MON2: variants seen among roughly 807,000 people sequenced by gnomAD.
MON2 encodes the protein MON2 regulator of endosome-to-Golgi trafficking.
A neutral mutation model predicts 208.6 loss-of-function variants in MON2; 84 were observed. That is an observed-to-expected ratio of 0.40 (90% CI 0.34 to 0.48). MON2 has a LOEUF of 0.48. Ranked by LOEUF, MON2 falls within the 20% of genes least tolerant of loss-of-function variation. The probability of loss-of-function intolerance (pLI) is 0.59; values close to 1 mark genes in which losing one functional copy is unlikely to be tolerated. For missense variants in MON2, 1,611 were observed against 2,015.4 expected, an observed-to-expected ratio of 0.80 and a Z score of 3.84; for synonymous variants, 660 against 694.0, an observed-to-expected ratio of 0.95 and a Z score of 0.77.
chr12:62,537,086 T>C (rs1350843575), intron 14 of MON2, 65 bp from the exon 15 acceptor site: 2 of 954,324 alleles, frequency 2.1e-6, no homozygotes, highest in South Asian at 2.1e-5. Flanking sequence ...ACTTTAAATA[T>C]AACATTACTT....
intron 12 of MON2, 26 bp downstream of exon 12, chr12:62,532,696 A>G: frequency 6.5e-7 from 1 of 1,546,100 alleles, no homozygotes; most frequent in Non-Finnish European, 8.9e-7. Flanking sequence ...TTTAATTTTT[A>G]TTGGAAATAA....
chr12:62,520,672 C>A (rs576122588), intron 8 of MON2, among the ~76,000 whole-genome samples: 1 of 151,810 alleles, frequency 6.6e-6, no homozygotes, highest in Admixed American at 6.6e-5. Context: ...CAGTGGCTCA[C>A]GCCTGTAATC....
chr12:62,530,056 C>G (rs890877441), intron 11 of MON2, among the ~76,000 whole-genome samples: 1 of 151,814 alleles, frequency 6.6e-6, no homozygotes, highest in Admixed American at 6.6e-5. Context: ...GTGTAGTTAC[C>G]CGACTGAACT....
In MON2 at chr12:62,499,052, A is replaced by G. The variant is rs1246065838; in HGVS notation, c.565+4A>G. ...GCTGAAGATGAACGACACAGAGGTA[A>G]AGTGCTAGAAGTTGTTTTACTTTGT... On this transcript the variant is annotated splice_donor_region_variant and intron_variant, in intron 5 of 34. Transcript: ENST00000393630. 6.2e-7 allele frequency: 1 copy of G among 1,606,928 alleles called. No homozygotes were observed. The highest frequency in any genetic ancestry group is 2.2e-5 in the East Asian group (1 of 44,584).
intron 2 of MON2, among the ~76,000 whole-genome samples, chr12:62,486,565 A>G (rs2069808718): frequency 6.6e-6 from 1 of 152,148 alleles, no homozygotes; most frequent in Non-Finnish European, 1.5e-5. Context: ...ATTTAAAGCA[A>G]TTATACCTAA....
In MON2 at chr12:62,597,898, A is replaced by T. The variant is rs188345316; in HGVS notation, c.*5149A>T. 6 of 152,030 alleles carry T rather than the reference A, an allele frequency of 3.9e-5. No individual in the cohort carries two copies. In the East Asian group the frequency reaches 1.2e-3, roughly 30 times the overall value. The allele number at this position is 152,030 out of a possible 1,614,324, so 9.4% of individuals were successfully genotyped here. A position where few individuals can be genotyped will look rare whatever the true frequency, so the allele number is the denominator to read the frequency against. On this transcript the variant is annotated 3_prime_UTR_variant, in exon 35 of 35. Transcript: ENST00000393630. ...CAAGATCCTATCTCTAGTTCAAAAAAATATTTTTAATTAGGGTTTTGGTTT... is the reference window on the plus strand; with the variant it reads ...CAAGATCCTATCTCTAGTTCAAAAATATATTTTTAATTAGGGTTTTGGTTT...
chr12:62,584,057 AATGGAAAGGACTTTTAAC>A (rs1807105277), intron 32 of MON2, among the ~76,000 whole-genome samples: 1 of 152,056 alleles, frequency 6.6e-6, no homozygotes, highest in East Asian at 1.9e-4. Flanking sequence ...TAGAGTTGTA[AATGGAAAGGACTTTTAAC>A]ATGGAAGCTC....
In MON2 at chr12:62,597,997, C is replaced by G. The variant is rs1181601624; in HGVS notation, c.*5248C>G. The G allele has an allele frequency of 6.6e-6, 1 of 152,152 alleles. No individual in the cohort carries two copies. The highest frequency in any genetic ancestry group is 2.4e-5 in the African/African-American group (1 of 41,420). 9.4% of individuals were successfully genotyped at this position (152,152 alleles called of 1,614,324 possible). ...GTTTAAACTTTTAGATTTATCCCATCTTAATATTGATTTATATTGACACTG... is the reference window on the plus strand; with the variant it reads ...GTTTAAACTTTTAGATTTATCCCATGTTAATATTGATTTATATTGACACTG... On this transcript the variant is annotated 3_prime_UTR_variant, in exon 35 of 35. Coordinates refer to ENST00000393630, the MANE Select transcript of MON2 (RefSeq NM_015026.3).
chr12:62,589,255 A>G lies in MON2; in HGVS notation c.4990+1099A>G, dbSNP rs148062374. 2.6e-3 allele frequency among the ~76,000 whole-genome samples: 396 copies of G among 152,288 alleles called. 4 individuals are homozygous for G. Among genetic ancestry groups the G allele is most frequent in the African/African-American group, 9.0e-3 (372 of 41,552 alleles). On this transcript the variant is annotated intron_variant, in intron 34 of 34. Transcript: ENST00000393630. ...TTTTTTATACAAGAAGACATTGGTAAAGAAGAAAACTGTGTGTTGGTTTAC... is the reference window on the plus strand; with the variant it reads ...TTTTTTATACAAGAAGACATTGGTAGAGAAGAAAACTGTGTGTTGGTTTAC...
At position 62,566,527 on chromosome 12, in the gene MON2, C is replaced by G. The variant is rs964242553; in HGVS notation, c.4323+77C>G. 8.7e-6 allele frequency: 11 copies of G among 1,257,200 alleles called. No homozygotes were observed. The South Asian group carries it at 1.5e-4, about 17-fold the overall frequency. 77.9% of individuals were successfully genotyped at this position (1,257,200 alleles called of 1,614,324 possible). A position where few individuals can be genotyped will look rare whatever the true frequency, so the allele number is the denominator to read the frequency against. ...AATTATTCCTTAGGTAATACATTAT[C>G]ATTATATTGGGATAAATAGAAAATA... On this transcript the variant is annotated intron_variant, in intron 29 of 34. Transcript: ENST00000393630.
Position 62,576,728 on chromosome 12 carries a change from T to C in MON2, c.4515-1717T>C, listed in dbSNP as rs190020150. On this transcript the variant is annotated intron_variant, in intron 30 of 34. Transcript: ENST00000393630. ...TCAGCATTTTTAAAAGCTCAATCGA[T>C]GTTTTTGATATGTTTGCTAGTTATA... 7.2e-3 allele frequency among the ~76,000 whole-genome samples: 1,097 copies of C among 151,978 alleles called. 16 individuals are homozygous for C. The highest frequency in any genetic ancestry group is 0.024 in the African/African-American group (1,014 of 41,548).
Position 62,561,107 on chromosome 12 carries a change from C to A in MON2, c.4026C>A (p.Leu1342=). 2 of 1,591,400 alleles carry A rather than the reference C, an allele frequency of 1.3e-6. No homozygotes were observed. Among genetic ancestry groups the A allele is most frequent in the South Asian group, 2.3e-5 (2 of 86,836 alleles). ...QEAVLTALDV[L]QKAICVGPEN... ...CTGTACTTACAGCTTTAGATGTTCT[C>A]CAAAAGGTAATATAATTTTAGTGGC... is the stretch of plus-strand genomic sequence containing the variant. The change falls in exon 26 of 35, where the codon CTC becomes CTA. Residue 1342 remains leucine, a synonymous_variant. Transcript: ENST00000393630.
chr12:62,599,483 A>G lies in MON2; in HGVS notation c.*6734A>G, dbSNP rs2075588035. 6.6e-6 allele frequency: 1 copy of G among 152,236 alleles called. No homozygotes were observed. 9.4% of individuals were successfully genotyped at this position (152,236 alleles called of 1,614,324 possible). ...GTTACTCAGTGTGTACTGCAGTCAG[A>G]TATAGTTAAAATAATTTTTCTGATG... On this transcript the variant is annotated 3_prime_UTR_variant, in exon 35 of 35. Coordinates refer to ENST00000393630, the MANE Select transcript of MON2 (RefSeq NM_015026.3).
intron 2 of MON2, among the ~76,000 whole-genome samples, chr12:62,492,671 G>A (rs1382717895): frequency 7.1e-6 from 1 of 139,942 alleles, no homozygotes; most frequent in Non-Finnish European, 1.6e-5. Context: ...GCGCCCGGCC[G>A]TTAGTTCTTA....
chr12:62,512,031 A>G (rs747805722), intron 8 of MON2, among the ~76,000 whole-genome samples: 11 of 152,184 alleles, frequency 7.2e-5, no homozygotes, highest in African/African-American at 1.4e-4. Context: ...GAGACTTACT[A>G]TCATGAGAAC....
intron 2 of MON2, among the ~76,000 whole-genome samples, chr12:62,484,583 GA>G (rs1439150816): frequency 2.6e-5 from 4 of 152,162 alleles, no homozygotes; most frequent in African/African-American, 9.7e-5. Flanking sequence ...TGTATTGAAT[GA>G]AAGATTTGTT....
At chr12:62,473,192 C>T (rs2135951748) in intron 1 of MON2, among the ~76,000 whole-genome samples, 2 of 152,264 alleles carry the variant, frequency 1.3e-5, no homozygotes, top group East Asian at 3.9e-4. Context: ...TGTTGCCTTC[C>T]CACTAGGCTT....
intron 4 of MON2, among the ~76,000 whole-genome samples, chr12:62,497,495 T>A (rs1008218284): frequency 3.9e-5 from 6 of 152,184 alleles, no homozygotes; most frequent in African/African-American, 1.4e-4. Flanking sequence ...ATTAGAATAG[T>A]TACGATGAAA....
In MON2 at chr12:62,553,125, C is replaced by T. The variant is rs150125859; in HGVS notation, c.3161C>T (p.Ala1054Val). ...AGQTLFSTIG[A>V]HGTLLQHSTW... Reference sequence around the variant, plus strand: ...CAAACTCTGTTTTCTACAATTGGTGCGCATGGAACTTTATTACAGCATTCA... The same window carrying T: ...CAAACTCTGTTTTCTACAATTGGTGTGCATGGAACTTTATTACAGCATTCA... The change falls in exon 24 of 35, where the codon GCG becomes GTG. Residue 1054 changes from alanine to valine, a missense_variant. Ala to Val is a moderately conservative substitution (Grantham distance 64). Coordinates refer to ENST00000393630, the MANE Select transcript of MON2 (RefSeq NM_015026.3). The T allele has an allele frequency of 1.1e-5, 18 of 1,613,958 alleles. No individual in the cohort carries two copies. Among genetic ancestry groups the T allele is most frequent in the South Asian group, 2.2e-5 (2 of 91,090 alleles).
Sources: allele counts gnomAD v4.1 joint callset (sites outside exome capture counted in the v4.1 genomes callset), GRCh38; gene constraint gnomAD v4.1.1; transcripts MANE v1.5; gene names NCBI Gene and HGNC (gene_info 2026-07-23, HGNC 2026-07-21).